MAP3K2: variants seen among roughly 807,000 people sequenced by gnomAD.
MAP3K2 encodes MAP/ERK kinase kinase 2.
A neutral mutation model predicts 80.3 loss-of-function variants in MAP3K2; 24 were observed. That is an observed-to-expected ratio of 0.30 (90% CI 0.22 to 0.42). The LOEUF is 0.42. Among genes scored for constraint, MAP3K2 ranks in the 10% least tolerant of loss-of-function variants. The probability of loss-of-function intolerance (pLI) is 1.00; values close to 1 mark genes in which losing one functional copy is unlikely to be tolerated. For missense variants in MAP3K2, 608 were observed against 750.1 expected, an observed-to-expected ratio of 0.81 and a Z score of 2.21; for synonymous variants, 244 against 253.7, an observed-to-expected ratio of 0.96 and a Z score of 0.36.
chr2:127,327,659 G>A (rs751061002), intron 7 of MAP3K2, among the ~76,000 whole-genome samples: 22 of 151,440 alleles, frequency 1.5e-4, no homozygotes, highest in Non-Finnish European at 2.1e-4. Flanking sequence ...GTTGAGACCT[G>A]TTTATCAGCA....
At chr2:127,337,189 C>T (rs1418794902) in intron 4 of MAP3K2, among the ~76,000 whole-genome samples, 2 of 151,952 alleles carry the variant, frequency 1.3e-5, no homozygotes, top group Non-Finnish European at 2.9e-5. Flanking sequence ...GTCTTGTTAG[C>T]AATTTTGTTG....
intron 10 of MAP3K2, 32 bp from the exon 11 acceptor site, chr2:127,324,026 T>A (rs1686080066): frequency 8.4e-7 from 1 of 1,197,188 alleles, no homozygotes; most frequent in African/African-American, 1.6e-5. Flanking sequence ...TTATCTTTTA[T>A]TTAAAAAAAA....
intron 1 of MAP3K2, among the ~76,000 whole-genome samples, chr2:127,378,916 T>C (rs1207475649): frequency 1.3e-5 from 2 of 151,904 alleles, no homozygotes. Context: ...CCTCAGCCTT[T>C]TGAGTAGCTG....
chr2:127,313,747 G>T (rs993724958), intron 15 of MAP3K2, among the ~76,000 whole-genome samples: 2 of 152,114 alleles, frequency 1.3e-5, no homozygotes, highest in Non-Finnish European at 2.9e-5. Context: ...AACCTAAATG[G>T]TATAGCCTAC....
chr2:127,356,136 G>A (rs1245272195), intron 1 of MAP3K2, among the ~76,000 whole-genome samples: 1 of 152,082 alleles, frequency 6.6e-6, no homozygotes, highest in East Asian at 1.9e-4. Context: ...CCCCTTCAAA[G>A]TTGTCCATCA....
In MAP3K2 at chr2:127,364,984, C is replaced by T. The variant is rs1391651553; in HGVS notation, c.-65-21790G>A. ...CTCTACTAAAACTACAAAAATTAGC[C>T]GGGTGTGGTGGCACATGCCTGTAAT... On this transcript the variant is annotated intron_variant, in intron 1 of 16. Coordinates refer to ENST00000682094, the MANE Select transcript of MAP3K2 (RefSeq NM_001371910.2). This position sits in a 1 kb window ranked among gnomAD's most constrained non-coding sequence, Gnocchi z 4.1. 3.3e-5 allele frequency among the ~76,000 whole-genome samples: 5 copies of T among 151,712 alleles called. No homozygotes were observed. The highest frequency in any genetic ancestry group is 6.6e-5 in the Admixed American group (1 of 15,240).
chr2:127,351,932 A>AGTGGG, intron 1 of MAP3K2, among the ~76,000 whole-genome samples: 1 of 151,818 alleles, frequency 6.6e-6, no homozygotes, highest in South Asian at 2.1e-4. Context: ...GCTAGAGCGC[A>AGTGGG]GTGGCACAAT....
intron 11 of MAP3K2, 31 bp downstream of exon 11, chr2:127,323,871 T>A (rs965652752): frequency 8.3e-6 from 9 of 1,088,562 alleles, no homozygotes; most frequent in Non-Finnish European, 1.2e-5. Context: ...ATTTTTTAAC[T>A]ATTCTTGTGG....
chr2:127,377,774 T>G (rs1274111744), intron 1 of MAP3K2, among the ~76,000 whole-genome samples: 1 of 152,166 alleles, frequency 6.6e-6, no homozygotes, highest in Admixed American at 6.5e-5. Context: ...AGACATGTCT[T>G]TATAAAACAG....
intron 1 of MAP3K2, among the ~76,000 whole-genome samples, chr2:127,348,943 A>C (rs191839279): frequency 7.2e-5 from 11 of 152,208 alleles, no homozygotes; most frequent in Middle Eastern, 6.8e-3. Context: ...TTTTAATGTG[A>C]GATCTCCCCA....
At chr2:127,362,354 T>G (rs1468199172) in intron 1 of MAP3K2, among the ~76,000 whole-genome samples, 1 of 152,260 alleles carries the variant, frequency 6.6e-6, no homozygotes, top group Non-Finnish European at 1.5e-5. Flanking sequence ...GTAAAGTGCT[T>G]AGAAAGAGGC....
At chr2:127,337,267 T>C (rs751928614) in intron 4 of MAP3K2, among the ~76,000 whole-genome samples, 1 of 152,176 alleles carries the variant, frequency 6.6e-6, no homozygotes, top group Non-Finnish European at 1.5e-5. Flanking sequence ...TTTACATCTC[T>C]GCTAAATAAT....
intron 1 of MAP3K2, among the ~76,000 whole-genome samples, chr2:127,361,900 T>C (rs906850910): frequency 3.9e-5 from 6 of 152,208 alleles, no homozygotes; most frequent in Non-Finnish European, 5.9e-5. Flanking sequence ...GAAGAGACTA[T>C]ATGACAGGTT....
At chr2:127,362,260 C>T (rs1686905035) in intron 1 of MAP3K2, among the ~76,000 whole-genome samples, 2 of 152,262 alleles carry the variant, frequency 1.3e-5, no homozygotes, top group Admixed American at 1.3e-4. Context: ...TCTTTCTTTG[C>T]CTTGATTTCT....
intron 14 of MAP3K2, 108 bp downstream of exon 14, chr2:127,317,521 T>C: frequency 2.3e-6 from 2 of 887,806 alleles, no homozygotes; most frequent in Non-Finnish European, 3.2e-6. Context: ...TCTTCCAAAA[T>C]GTCCTTAACT....
Position 127,385,950 on chromosome 2 carries a change from A to G in MAP3K2, c.-66+1502T>C, listed in dbSNP as rs148319861. Reference sequence around the variant, plus strand: ...AGTTTCTCAAAAGAGGCACATGGATAACCATTCTATAATGATATCATATAC... The same window carrying G: ...AGTTTCTCAAAAGAGGCACATGGATGACCATTCTATAATGATATCATATAC... On this transcript the variant is annotated intron_variant, in intron 1 of 16. Transcript: ENST00000682094. 2.9e-3 allele frequency among the ~76,000 whole-genome samples: 441 copies of G among 152,360 alleles called. 6 individuals are homozygous for G. In the East Asian group the frequency reaches 0.034, roughly 12 times the overall value.
At chr2:127,357,027 C>T (rs1368267569) in intron 1 of MAP3K2, among the ~76,000 whole-genome samples, 2 of 152,092 alleles carry the variant, frequency 1.3e-5, no homozygotes, top group African/African-American at 2.4e-5. Context: ...CAACTTCACA[C>T]ACACAAAAAT....
chr2:127,336,745 T>G (rs1332706172), intron 4 of MAP3K2, among the ~76,000 whole-genome samples: 1 of 152,278 alleles, frequency 6.6e-6, no homozygotes, highest in East Asian at 1.9e-4. Context: ...TAAATATTTC[T>G]ATGTAGAATA....
chr2:127,313,138 A>G (rs1265728704), intron 15 of MAP3K2, among the ~76,000 whole-genome samples: 1 of 152,130 alleles, frequency 6.6e-6, no homozygotes, highest in African/African-American at 2.4e-5. Context: ...TATTTGCCCT[A>G]TGCTTTAAAA....
Sources: allele counts gnomAD v4.1 joint callset (sites outside exome capture counted in the v4.1 genomes callset), GRCh38; gene constraint gnomAD v4.1.1; non-coding constraint Gnocchi (gnomAD v3.1); transcripts MANE v1.5; gene names NCBI Gene and HGNC (gene_info 2026-07-23, HGNC 2026-07-21).